Variants in C12orf50 observed in about 807,000 individuals in gnomAD.
C12orf50 encodes the protein zinc finger CCCH-type containing 11D.
A neutral mutation model predicts 61.6 loss-of-function variants in C12orf50; 35 were observed. The observed-to-expected ratio is 0.57, with a 90% CI of 0.43 to 0.75. The LOEUF (loss-of-function observed/expected upper bound fraction) is 0.75. Ranked by LOEUF, C12orf50 falls within the 30% of genes least tolerant of loss-of-function variation. The probability of loss-of-function intolerance (pLI) is 0.00; values close to 1 mark genes in which losing one functional copy is unlikely to be tolerated. For missense variants in C12orf50, 475 were observed against 488.5 expected (o/e 0.97, Z 0.26); for synonymous variants, 178 against 161.5 (o/e 1.10, Z -0.77).
At chr12:88,022,694 A>C (rs978940452) in intron 3 of C12orf50, among the ~76,000 whole-genome samples, 5 of 152,240 alleles carry the variant, frequency 3.3e-5, no homozygotes, top group African/African-American at 1.2e-4. Flanking sequence ...TATCAGTAGC[A>C]TTCCTATACA....
chr12:88,027,565 T>C (rs1198876148), intron 1 of C12orf50, among the ~76,000 whole-genome samples: 1 of 152,206 alleles, frequency 6.6e-6, no homozygotes, highest in Non-Finnish European at 1.5e-5. Flanking sequence ...AAATTTATGT[T>C]ATTGTGGAAT....
rs2030386863 is a variant in C12orf50, at chr12:87,980,205, T to C, written c.*126A>G. On this transcript the variant is annotated 3_prime_UTR_variant, in exon 13 of 13. Coordinates refer to ENST00000298699, the MANE Select transcript of C12orf50 (RefSeq NM_152589.3). ...ATTTTCAGAATTTGCATTTTTATCA[T>C]CTTTGGCTATCCACTACATAACATG... The C allele has an allele frequency of 1.1e-6, 1 of 927,226 alleles. No homozygotes were observed. The highest frequency in any genetic ancestry group is 1.5e-5 in the South Asian group (1 of 67,748). The allele number at this position is 927,226 out of a possible 1,614,324, so 57.4% of individuals were successfully genotyped here.
At chr12:88,029,176 A>ACCC in intron 1 of C12orf50, 164 bp downstream of exon 1, 3 of 1,089,472 alleles carry the variant, frequency 2.8e-6, no homozygotes, top group Non-Finnish European at 3.7e-6. Context: ...AATATATATG[A>ACCC]ATTTCAGGAA....
chr12:88,027,209 A>C (rs919626160), intron 1 of C12orf50, 139 bp from the exon 2 acceptor site: 4 of 904,576 alleles, frequency 4.4e-6, no homozygotes, highest in African/African-American at 3.4e-5. Flanking sequence ...ATTTTAGGCC[A>C]TAAGTCTAAA....
chr12:88,000,280 AC>A (rs1428413082), intron 3 of C12orf50, among the ~76,000 whole-genome samples: 1 of 152,112 alleles, frequency 6.6e-6, no homozygotes, highest in Admixed American at 6.5e-5. Flanking sequence ...TGTCGAAAAT[AC>A]TATTCTTTTC....
intron 7 of C12orf50, among the ~76,000 whole-genome samples, chr12:87,992,412 A>G (rs1366940513): frequency 6.6e-6 from 1 of 152,106 alleles, no homozygotes; most frequent in Non-Finnish European, 1.5e-5. Context: ...GTGTATATAT[A>G]TACTATATAC....
chr12:88,022,301 A>G (rs2032545496), intron 3 of C12orf50, among the ~76,000 whole-genome samples: 2 of 152,114 alleles, frequency 1.3e-5, no homozygotes, highest in Non-Finnish European at 2.9e-5. Flanking sequence ...AAAATTCAAC[A>G]TCCCTTCATG....
At chr12:87,991,729 G>A (rs2031131747) in intron 7 of C12orf50, among the ~76,000 whole-genome samples, 1 of 152,024 alleles carries the variant, frequency 6.6e-6, no homozygotes, top group African/African-American at 2.4e-5. Context: ...TAAAGTTAAA[G>A]GACTGAAAAT....
intron 3 of C12orf50, among the ~76,000 whole-genome samples, chr12:88,021,637 CA>C (rs139285610): frequency 4.4e-4 from 63 of 144,072 alleles, no homozygotes; most frequent in Admixed American, 9.0e-4. Flanking sequence ...GACTCTGTTT[CA>C]AAAAAAAAAG....
chr12:87,985,990 G>A lies in C12orf50; in HGVS notation c.986C>T (p.Ala329Val), dbSNP rs138726983. Residue 329 changes from alanine (A) to valine (V), a missense_variant, in exon 11 of 13, where the codon GCG becomes GTG. Ala to Val is a moderately conservative substitution (Grantham distance 64, BLOSUM62 0). Transcript: ENST00000298699. ...AACGTGGATATAGGATGCATTCTCCGCATTTCGATTTTTATTATTGCGGTG... is the reference window on the plus strand; with the variant it reads ...AACGTGGATATAGGATGCATTCTCCACATTTCGATTTTTATTATTGCGGTG... ...SYHRNNKNRN[A>V]ENASYIHVQR... The A allele has an allele frequency of 7.2e-5, 116 of 1,613,686 alleles. No homozygotes were observed. The highest frequency in any genetic ancestry group is 1.0e-4 in the Admixed American group (6 of 59,948).
chr12:88,011,790 G>A (rs1002128074), intron 3 of C12orf50, among the ~76,000 whole-genome samples: 6 of 152,104 alleles, frequency 3.9e-5, no homozygotes, highest in Admixed American at 6.5e-5. Flanking sequence ...AAGGAAACAC[G>A]GATCCAGCTG....
At chr12:88,021,766 C>T (rs2032525205) in intron 3 of C12orf50, among the ~76,000 whole-genome samples, 1 of 152,108 alleles carries the variant, frequency 6.6e-6, no homozygotes, top group Non-Finnish European at 1.5e-5. Flanking sequence ...TTCCTAAACA[C>T]ATGCAACCTC....
At chr12:88,000,360 T>C (rs2031603810) in intron 3 of C12orf50, among the ~76,000 whole-genome samples, 1 of 152,092 alleles carries the variant, frequency 6.6e-6, no homozygotes, top group African/African-American at 2.4e-5. Flanking sequence ...TAAAAGTTTA[T>C]TTCTGGTCTT....
chr12:88,003,715 T>C (rs2031742245), intron 3 of C12orf50, among the ~76,000 whole-genome samples: 1 of 152,158 alleles, frequency 6.6e-6, no homozygotes, highest in Non-Finnish European at 1.5e-5. Context: ...AACATTTTTA[T>C]CTTGTTGTTC....
Position 88,026,991 on chromosome 12 carries a change from C to T in C12orf50, c.-29G>A, listed in dbSNP as rs777619249. On this transcript the variant is annotated 5_prime_UTR_variant, in exon 2 of 13. The change abolishes an upstream ATG in the 5' untranslated region. Transcript: ENST00000298699. ...TCTAAATCTGCAAAGTGGATCTAAA[C>T]ATTTCCTCTCTCTCCATAATGAGCA... 13 of 1,614,008 alleles carry T rather than the reference C, an allele frequency of 8.1e-6. No individual in the cohort carries two copies. Among genetic ancestry groups the T allele is most frequent in the Non-Finnish European group, 1.1e-5 (13 of 1,179,968 alleles).
Position 88,026,624 on chromosome 12 carries a change from T to TAAA in C12orf50, c.13-17_13-16insTTT. The TAAA allele has an allele frequency of 1.9e-6, 3 of 1,611,244 alleles. No homozygotes were observed. The highest frequency in any genetic ancestry group is 2.5e-6 in the Non-Finnish European group (3 of 1,179,690). On this transcript the variant is annotated splice_polypyrimidine_tract_variant and intron_variant, in intron 2 of 12. Coordinates refer to ENST00000298699, the MANE Select transcript of C12orf50 (RefSeq NM_152589.3). ...TGCAGTTTTGCTAGATAAAAGGAGA[T>TAAA]TGGGGGAAATGTAATGATTAGATGC... is the stretch of plus-strand genomic sequence containing the variant.
At position 88,025,722 on chromosome 12, in the gene C12orf50, G is replaced by A. The variant is rs137904011; in HGVS notation, c.133+766C>T. Among the ~76,000 whole-genome samples the A allele has an allele frequency of 1.1e-3, 169 of 152,320 alleles. 2 individuals are homozygous for A. The East Asian group carries it at 0.024, about 21-fold the overall frequency. On this transcript the variant is annotated intron_variant, in intron 3 of 12. Transcript: ENST00000298699. ...CCACTGCACTCCAGCCTGGGTGACA[G>A]AGCGAGACTCCGTCTCAAAAAACAA...
rs374715658 is a variant in C12orf50 at position 87,986,368 on chromosome 12, T to C, written c.866A>G (p.Lys289Arg). ...VKKPHFKGVK[K>R]RKWIYDEPQN... ...TGGTTCATCATAAATCCATTTTCTT[T>C]TCTTCACACCTTTAAAATGAGGCTT... Residue 289 changes from lysine (K) to arginine (R), a missense_variant, in exon 10 of 13, where the codon AAA (lysine) becomes AGA (arginine). Coordinates refer to ENST00000298699, the MANE Select transcript of C12orf50 (RefSeq NM_152589.3). 1 of 1,611,996 alleles carries C rather than the reference T, an allele frequency of 6.2e-7. No individual in the cohort carries two copies. Among genetic ancestry groups the C allele is most frequent in the Non-Finnish European group, 8.5e-7 (1 of 1,179,202 alleles).
intron 3 of C12orf50, among the ~76,000 whole-genome samples, chr12:88,020,919 A>G (rs1226512762): frequency 6.6e-6 from 1 of 152,318 alleles, no homozygotes; most frequent in African/African-American, 2.4e-5. Context: ...GAAATTAAAC[A>G]ACCTGCTCCT....
Sources: allele counts gnomAD v4.1 joint callset (sites outside exome capture counted in the v4.1 genomes callset), GRCh38; gene constraint gnomAD v4.1.1; transcripts MANE v1.5; gene names NCBI Gene and HGNC (gene_info 2026-07-23, HGNC 2026-07-21).